The following HASPIN variants were observed in gnomAD, a reference collection of about 807,000 sequenced individuals.
The protein encoded by HASPIN is histone H3 associated protein kinase, also known as serine/threonine-protein kinase haspin.
In HASPIN, 24 loss-of-function variants were observed where a neutral mutation model predicts 28.8. That is an observed-to-expected ratio of 0.83 (90% CI 0.60 to 1.17). The LOEUF (loss-of-function observed/expected upper bound fraction) is 1.17, where lower values mean the gene tolerates loss of function less well. Among genes scored for constraint, HASPIN ranks in the 50% most tolerant of loss-of-function variants. HASPIN has a pLI of 0.00. For missense variants in HASPIN, 1,016 were observed against 1,018.5 expected (o/e 1.00, Z 0.03); for synonymous variants, 440 against 413.1 (o/e 1.07, Z -0.79).
chr17:3,725,095 C>G lies in HASPIN; in HGVS notation c.1160C>G (p.Ser387Cys). 3 of 1,614,226 alleles carry G rather than the reference C, an allele frequency of 1.9e-6. No individual in the cohort carries two copies. Among genetic ancestry groups the G allele is most frequent in the Non-Finnish European group, 2.5e-6 (3 of 1,180,024 alleles). The part of the protein sequence containing the change: ...NVCFWTKTRA[S>C]FSFHKKKIVT... ...TGCTTTTGGACCAAAACCAGGGCTT[C>G]CTTCAGTTTCCACAAGAAGAAAATT... The change falls in exon 1 of 1, where the codon TCC (serine) becomes TGC (cysteine). Residue 387 changes from serine to cysteine, a missense_variant. Physicochemically the swap from Ser to Cys is moderately radical, Grantham distance 112. This residue lies in a region of HASPIN where 881 missense variants were observed against 845.5 expected (regional missense o/e 1.04). Transcript: ENST00000325418.
Position 3,724,521 on chromosome 17 carries a change from G to T in HASPIN, c.586G>T (p.Val196Phe), listed in dbSNP as rs751512859. The stretch of plus-strand genomic sequence containing the variant: ...CTCGATCGGCACCTCCGCCTGTCTG[G>T]TTGCAGCCTCAGCCGTCCCGAGCGG... ...VISIGTSACL[V>F]AASAVPSGLH... The change falls in exon 1 of 1, where the codon GTT (valine) becomes TTT (phenylalanine). Residue 196 changes from valine (V) to phenylalanine (F), a missense_variant. By Grantham distance (50) the Val-to-Phe change is conservative. Transcript: ENST00000325418. The T allele has an allele frequency of 9.9e-6, 16 of 1,613,946 alleles. No homozygotes were observed. The highest frequency in any genetic ancestry group is 1.7e-5 in the Admixed American group (1 of 60,008).
In HASPIN at chr17:3,724,131, C is replaced by T. The variant is rs1418417766; in HGVS notation, c.196C>T (p.Pro66Ser). 1.3e-6 allele frequency: 2 copies of T among 1,594,300 alleles called. No individual in the cohort carries two copies. The highest frequency in any genetic ancestry group is 1.7e-6 in the Non-Finnish European group (2 of 1,177,336). Reference sequence around the variant, plus strand: ...CTCGCAGTCCGACGATCCTGACGATCCCGACGACCCCGACTTCCCCGGCAG... The same window carrying T: ...CTCGCAGTCCGACGATCCTGACGATTCCGACGACCCCGACTTCCCCGGCAG... ...DPSQSDDPDD[P>S]DDPDFPGSPV... The change falls in exon 1 of 1, where the codon CCC (proline) becomes TCC (serine). Residue 66 changes from proline (P) to serine (S), a missense_variant. By Grantham distance (74) the Pro-to-Ser change is moderately conservative. Coordinates refer to ENST00000325418, the MANE Select transcript of HASPIN (RefSeq NM_031965.2).
In HASPIN at chr17:3,724,628, C is replaced by T. The variant is rs1442052959; in HGVS notation, c.693C>T (p.Thr231=). 1.7e-5 allele frequency: 27 copies of T among 1,614,074 alleles called. No homozygotes were observed. The highest frequency in any genetic ancestry group is 4.0e-5 in the African/African-American group (3 of 74,938). ...AAGCGACAGGAGGAGCCAAGGACACCAGGATGGTCCACCAAACCCGCGCCA... is the reference window on the plus strand; with the variant it reads ...AAGCGACAGGAGGAGCCAAGGACACTAGGATGGTCCACCAAACCCGCGCCA... ...QEEATGGAKD[T]RMVHQTRASL... is the part of the protein sequence containing the mutation. The change falls in exon 1 of 1, where the codon ACC becomes ACT. Residue 231 remains threonine, a synonymous_variant. Transcript: ENST00000325418.
Position 3,726,072 on chromosome 17 carries a change from G to T in HASPIN, c.2137G>T (p.Gly713Cys). The change falls in exon 1 of 1, where the codon GGT (glycine) becomes TGT (cysteine). Residue 713 changes from glycine (G) to cysteine (C), a missense_variant. Around this residue, in one of 3 missense-constraint regions of HASPIN, gnomAD observed 129 missense variants for 156.2 expected, o/e 0.83. Coordinates refer to ENST00000325418, the MANE Select transcript of HASPIN (RefSeq NM_031965.2). ...DVSMDEDLFT[G>C]DGDYQFDIYR... The stretch of plus-strand genomic sequence containing the variant: ...TTCCATGGATGAGGACCTGTTTACC[G>T]GTGACGGTGACTACCAGTTTGACAT... 6.2e-7 allele frequency: 1 copy of T among 1,614,160 alleles called. No individual in the cohort carries two copies. Among genetic ancestry groups the T allele is most frequent in the Non-Finnish European group, 8.5e-7 (1 of 1,180,040 alleles).
rs761738634 is a variant in HASPIN at position 3,725,357 on chromosome 17, C to T, written c.1422C>T (p.Pro474=). The change falls in exon 1 of 1, where the codon CCC becomes CCT. Residue 474 remains proline (P), a synonymous_variant. Transcript: ENST00000325418. ...YGECSQKGPV[P]FSHCLPTEKL... ...AATGCAGTCAGAAGGGTCCTGTCCC[C>T]TTTAGCCATTGCCTTCCCACAGAAA... 2.5e-6 allele frequency: 4 copies of T among 1,613,090 alleles called. No individual in the cohort carries two copies. Among genetic ancestry groups the T allele is most frequent in the Non-Finnish European group, 3.4e-6 (4 of 1,179,424 alleles).
In HASPIN at chr17:3,725,460, G is replaced by C; in HGVS notation, c.1525G>C (p.Ala509Pro). 6.2e-7 allele frequency: 1 copy of C among 1,614,192 alleles called. No individual in the cohort carries two copies. The highest frequency in any genetic ancestry group is 8.5e-7 in the Non-Finnish European group (1 of 1,180,024). ...AACAATTGCTGATCACACACCCGTA[G>C]CCATAAAAATCATTGCTATTGAAGG... Reference protein sequence around the residue: ...FQTIADHTPVAIKIIAIEGPD... With the variant: ...FQTIADHTPVPIKIIAIEGPD... The change falls in exon 1 of 1, where the codon GCC becomes CCC. Residue 509 changes from alanine (A) to proline (P), a missense_variant. Transcript: ENST00000325418.
In HASPIN at chr17:3,725,273, C is replaced by T. The variant is rs779743715; in HGVS notation, c.1338C>T (p.Pro446=). 27 of 1,614,088 alleles carry T rather than the reference C, an allele frequency of 1.7e-5. No homozygotes were observed. The highest frequency in any genetic ancestry group is 2.3e-5 in the Non-Finnish European group (27 of 1,180,046). ...WHSSSMYLLS[P]LNTLSISNKK... ...CCTCCTCTATGTATTTGCTAAGCCC[C>T]TTAAACACTCTAAGTATTTCAAACA... Residue 446 remains proline (P), a synonymous_variant, in exon 1 of 1, where the codon CCC becomes CCT. Transcript: ENST00000325418.
rs746953901 is a variant in HASPIN at position 3,726,007 on chromosome 17, C to G, written c.2072C>G (p.Ser691Trp). 1.9e-6 allele frequency: 3 copies of G among 1,613,858 alleles called. No individual in the cohort carries two copies. Among genetic ancestry groups the G allele is most frequent in the Non-Finnish European group, 2.5e-6 (3 of 1,180,038 alleles). Residue 691 changes from serine to tryptophan, a missense_variant, in exon 1 of 1, where the codon TCG becomes TGG. Ser to Trp is a radical substitution (Grantham distance 177). Around this residue, in one of 3 missense-constraint regions of HASPIN, gnomAD observed 129 missense variants for 156.2 expected, o/e 0.83. Transcript: ENST00000325418. Reference protein sequence around the residue: ...LQVSIIDYTLSRLERDGIVVF... With the variant: ...LQVSIIDYTLWRLERDGIVVF... ...GTGAGCATCATTGACTACACCCTGT[C>G]GCGCTTGGAACGGGATGGGATTGTG... is the stretch of plus-strand genomic sequence containing the variant.
At position 3,724,249 on chromosome 17, in the gene HASPIN, C is replaced by G; in HGVS notation, c.314C>G (p.Ala105Gly). ...TVTPKRWKLR[A>G]RPSLTVTPRR... ...ACCCCAAAGCGCTGGAAGCTGCGAG[C>G]TCGCCCAAGCCTAACCGTGACCCCA... The change falls in exon 1 of 1, where the codon GCT becomes GGT. Residue 105 changes from alanine (A) to glycine (G), a missense_variant. Around this residue, in one of 3 missense-constraint regions of HASPIN, gnomAD observed 881 missense variants for 845.5 expected, o/e 1.04. Coordinates refer to ENST00000325418, the MANE Select transcript of HASPIN (RefSeq NM_031965.2). 6.3e-7 allele frequency: 1 copy of G among 1,592,720 alleles called. No individual in the cohort carries two copies. The highest frequency in any genetic ancestry group is 8.5e-7 in the Non-Finnish European group (1 of 1,176,938).
Position 3,724,929 on chromosome 17 carries a change from G to C in HASPIN, c.994G>C (p.Glu332Gln). The C allele has an allele frequency of 3.1e-6, 5 of 1,613,716 alleles. No homozygotes were observed. The highest frequency in any genetic ancestry group is 1.3e-5 in the African/African-American group (1 of 75,044). The change falls in exon 1 of 1, where the codon GAG (glutamate) becomes CAG (glutamine). Residue 332 changes from glutamate (E) to glutamine (Q), a missense_variant. By Grantham distance (29) the Glu-to-Gln change is conservative. Coordinates refer to ENST00000325418, the MANE Select transcript of HASPIN (RefSeq NM_031965.2). Reference sequence around the variant, plus strand: ...TGTGCCAAGGGGAATAGACAGGCTGGAGAGAACTAGATCAAGCCGGAAGAG... The same window carrying C: ...TGTGCCAAGGGGAATAGACAGGCTGCAGAGAACTAGATCAAGCCGGAAGAG... ...RIVPRGIDRL[E>Q]RTRSSRKSKH...
Position 3,725,486 on chromosome 17 carries a change from A to T in HASPIN, c.1551A>T (p.Gly517=). 6.2e-7 allele frequency: 1 copy of T among 1,614,202 alleles called. No individual in the cohort carries two copies. Among genetic ancestry groups the T allele is most frequent in the Non-Finnish European group, 8.5e-7 (1 of 1,180,034 alleles). ...CCATAAAAATCATTGCTATTGAAGG[A>T]CCAGATTTAGTCAATGGATCCCATC... ...PVAIKIIAIE[G]PDLVNGSHQK... The change falls in exon 1 of 1, where the codon GGA becomes GGT. Residue 517 remains glycine (G), a synonymous_variant. Coordinates refer to ENST00000325418, the MANE Select transcript of HASPIN (RefSeq NM_031965.2).
rs1455662607 is a variant in HASPIN, at chr17:3,725,405, TG to T, written c.1474del (p.Glu492LysfsTer17). 2 of 1,614,050 alleles carry T rather than the reference TG, an allele frequency of 1.2e-6. No individual in the cohort carries two copies. The highest frequency in any genetic ancestry group is 1.7e-6 in the Non-Finnish European group (2 of 1,180,026). On this transcript the variant is annotated frameshift_variant, in exon 1 of 1. Transcript: ENST00000325418. LOFTEE classifies it high-confidence loss of function. ...TEKLQRCEKIGEGVFGEVFQT... is the reference protein window; with the variant it reads ...TEKLQRCEKIXEGVFGEVFQT... ...AAAAACTGCAACGCTGTGAGAAGAT[TG>T]GGGAAGGGGTGTTTGGCGAAGTGTT...
At position 3,726,185 on chromosome 17, in the gene HASPIN, C is replaced by T. The variant is rs930229051; in HGVS notation, c.2250C>T (p.Asp750=). 6.2e-7 allele frequency: 1 copy of T among 1,614,112 alleles called. No individual in the cohort carries two copies. The highest frequency in any genetic ancestry group is 1.3e-5 in the African/African-American group (1 of 75,022). The change falls in exon 1 of 1, where the codon GAC becomes GAT. Residue 750 remains aspartate, a synonymous_variant. Coordinates refer to ENST00000325418, the MANE Select transcript of HASPIN (RefSeq NM_031965.2). The stretch of plus-strand genomic sequence containing the variant: ...TGCTCTGGTTACATTACCTGACAGA[C>T]AAGATGCTGAAACAAATGACCTTCA... The part of the protein sequence containing the change: ...SNVLWLHYLT[D]KMLKQMTFKT...
At position 3,724,859 on chromosome 17, in the gene HASPIN, C is replaced by G. The variant is rs1416725008; in HGVS notation, c.924C>G (p.Ala308=). 37 of 1,613,812 alleles carry G rather than the reference C, an allele frequency of 2.3e-5. No homozygotes were observed. Among genetic ancestry groups the G allele is most frequent in the Non-Finnish European group, 3.1e-5 (36 of 1,180,030 alleles). The change falls in exon 1 of 1, where the codon GCC becomes GCG. Residue 308 remains alanine (A), a synonymous_variant. Coordinates refer to ENST00000325418, the MANE Select transcript of HASPIN (RefSeq NM_031965.2). The part of the protein sequence containing the change: ...DSCQERGLQE[A]VRREHQEASV... ...GTCAAGAGAGAGGGCTTCAAGAGGC[C>G]GTCCGGAGAGAGCATCAGGAGGCCA...
rs202176925 is a variant in HASPIN at position 3,723,929 on chromosome 17, G to A, written c.-7G>A. ...TTTGCGTTTGAACCTCTTGGCGGGT[G>A]CCGGCCATGGCGGCTTCGCTCCCGG... is the stretch of plus-strand genomic sequence containing the variant. On this transcript the variant is annotated 5_prime_UTR_variant, in exon 1 of 1. Coordinates refer to ENST00000325418, the MANE Select transcript of HASPIN (RefSeq NM_031965.2). 15 of 1,543,228 alleles carry A rather than the reference G, an allele frequency of 9.7e-6. No individual in the cohort carries two copies. The African/African-American group carries it at 1.7e-4, about 17-fold the overall frequency.
In HASPIN at chr17:3,726,579, G is replaced by T; in HGVS notation, c.*247G>T. Reference sequence around the variant, plus strand: ...ACAGTGGCGTGCGCCTGTAGTCCCAGCTACTCGGGAGGCTGAGGCAGGAGG... The same window carrying T: ...ACAGTGGCGTGCGCCTGTAGTCCCATCTACTCGGGAGGCTGAGGCAGGAGG... On this transcript the variant is annotated 3_prime_UTR_variant, in exon 1 of 1. Transcript: ENST00000325418. The T allele has an allele frequency of 2.2e-6, 1 of 463,352 alleles. No individual in the cohort carries two copies. The highest frequency in any genetic ancestry group is 3.8e-6 in the Non-Finnish European group (1 of 260,704). 28.7% of individuals were successfully genotyped at this position (463,352 alleles called of 1,614,324 possible). A position where few individuals can be genotyped will look rare whatever the true frequency, so the allele number is the denominator to read the frequency against.
Position 3,724,198 on chromosome 17 carries a change from C to A in HASPIN, c.263C>A (p.Pro88His). ...CGGAGGCGTCCCGGCGGCCGAGTGC[C>A]CAAGGACCGGCCCAGCCTGACCGTG... ...RRRRRPGGRVPKDRPSLTVTP... is the reference protein window; with the variant it reads ...RRRRRPGGRVHKDRPSLTVTP... The change falls in exon 1 of 1, where the codon CCC becomes CAC. Residue 88 changes from proline to histidine, a missense_variant. Pro to His is a moderately conservative substitution (Grantham distance 77, BLOSUM62 -2). Coordinates refer to ENST00000325418, the MANE Select transcript of HASPIN (RefSeq NM_031965.2). 1 of 1,593,200 alleles carries A rather than the reference C, an allele frequency of 6.3e-7. No homozygotes were observed.
Position 3,725,891 on chromosome 17 carries a change from G to C in HASPIN, c.1956G>C (p.Trp652Cys). The C allele has an allele frequency of 1.2e-6, 2 of 1,612,464 alleles. No individual in the cohort carries two copies. The highest frequency in any genetic ancestry group is 1.7e-6 in the Non-Finnish European group (2 of 1,179,984). ...GCTTTGAGCACCGAGACTTACACTG[G>C]GGGAACGTGCTCTTAAAGAAAACCA... ...SLRFEHRDLH[W>C]GNVLLKKTSL... is the part of the protein sequence containing the mutation. The change falls in exon 1 of 1, where the codon TGG becomes TGC. Residue 652 changes from tryptophan to cysteine, a missense_variant. Physicochemically the swap from Trp to Cys is radical, Grantham distance 215 (BLOSUM62 -2). Around this residue, in one of 3 missense-constraint regions of HASPIN, gnomAD observed 881 missense variants for 845.5 expected, o/e 1.04. Coordinates refer to ENST00000325418, the MANE Select transcript of HASPIN (RefSeq NM_031965.2).
rs1294371249 is a variant in HASPIN at position 3,725,043 on chromosome 17, C to G, written c.1108C>G (p.Gln370Glu). The G allele has an allele frequency of 5.6e-6, 9 of 1,614,124 alleles. No homozygotes were observed. The South Asian group carries it at 9.9e-5, about 18-fold the overall frequency. Residue 370 changes from glutamine to glutamate, a missense_variant, in exon 1 of 1, where the codon CAG becomes GAG. Transcript: ENST00000325418. The part of the protein sequence containing the change: ...QKLGKDSFPT[Q>E]DLTPLQNVCF... ...GCTGGGAAAAGATTCGTTCCCCACC[C>G]AGGACCTGACTCCTTTACAGAATGT...
Sources: gnomAD v4.1 joint callset for allele counts on GRCh38, gnomAD v4.1.1 for gene constraint, gnomAD v4.1.1 regional missense constraint, MANE v1.5 for transcripts, NCBI Gene and HGNC (gene_info 2026-07-23, HGNC 2026-07-21) for gene names.